PLXNA4: variants seen among roughly 807,000 people sequenced by gnomAD.
The protein encoded by PLXNA4 is plexin-A4.
Under a neutral mutation model 191.8 loss-of-function variants are expected in PLXNA4, and 44 were observed. The observed-to-expected ratio is 0.23, with a 90% confidence interval of 0.18 to 0.29. PLXNA4 has a LOEUF of 0.29. PLXNA4 is among the 10% of genes least tolerant of loss of function. The pLI is 1.00. For missense variants in PLXNA4, 1,800 were observed against 2,488.8 expected (o/e 0.72, Z 5.89); for synonymous variants, 1,082 against 1,009.5 (o/e 1.07, Z -1.36).
intron 2 of PLXNA4, among the ~76,000 whole-genome samples, chr7:132,590,781 C>G (rs1282846151): frequency 3.3e-5 from 5 of 152,118 alleles, no homozygotes; most frequent in Non-Finnish European, 7.3e-5. Context: ...AACCCAGGAA[C>G]AATACTTTGT....
intron 1 of PLXNA4, among the ~76,000 whole-genome samples, chr7:132,548,333 C>G (rs187314320): frequency 1.3e-5 from 2 of 152,124 alleles, no homozygotes; most frequent in Non-Finnish European, 2.9e-5. Flanking sequence ...GCAGATGAGG[C>G]TAGGGCAATT....
At chr7:132,377,968 T>C (rs188974967) in intron 3 of PLXNA4, among the ~76,000 whole-genome samples, 8 of 152,220 alleles carry the variant, frequency 5.3e-5, no homozygotes, top group Admixed American at 4.6e-4. Context: ...GATAGGGCTT[T>C]CAGGAGCAAT....
chr7:132,621,539 A>G (rs1803268021), intron 2 of PLXNA4, among the ~76,000 whole-genome samples: 3 of 152,188 alleles, frequency 2.0e-5, no homozygotes, highest in Admixed American at 2.0e-4. Context: ...GATTACAGGC[A>G]TGAGCCATCG....
Position 132,508,400 on chromosome 7 carries a change from G to T in PLXNA4, c.294C>A (p.Pro98=), listed in dbSNP as rs543337957. ...PDEDNPKCYP[P]RIVQTCNEPL... is the part of the protein sequence containing the mutation. ...GCTCATTGCAGGTCTGGACGATGCG[G>T]GGTGGGTAACACTTGGGGTTGTCCT... Residue 98 remains proline, a synonymous_variant, in exon 2 of 32, where the codon CCC becomes CCA. Transcript: ENST00000321063. This position sits in a 1 kb window ranked among gnomAD's most constrained non-coding sequence, Gnocchi z 4.4. 6.2e-7 allele frequency: 1 copy of T among 1,614,202 alleles called. No homozygotes were observed. Among genetic ancestry groups the T allele is most frequent in the Non-Finnish European group, 8.5e-7 (1 of 1,180,046 alleles).
intron 4 of PLXNA4, among the ~76,000 whole-genome samples, chr7:132,248,119 G>T (rs181363184): frequency 6.6e-6 from 1 of 152,210 alleles, no homozygotes; most frequent in Non-Finnish European, 1.5e-5. Flanking sequence ...GAATGCTTCC[G>T]AAGTGCTTAT....
In PLXNA4 at chr7:132,169,005, C is replaced by G. The variant is rs528418610; in HGVS notation, c.4018-433G>C. Among the ~76,000 whole-genome samples the G allele has an allele frequency of 3.9e-5, 6 of 152,340 alleles. No individual in the cohort carries two copies. The South Asian group carries it at 6.2e-4, about 16-fold the overall frequency. On this transcript the variant is annotated intron_variant, in intron 21 of 31. Transcript: ENST00000321063. ...GAGCCTGGGACTAACCTAATGCCCA[C>G]CCCTCTCCAGCCCTAGGGGTGCTGT...
intron 3 of PLXNA4, among the ~76,000 whole-genome samples, chr7:132,427,798 A>G (rs190442770): frequency 2.6e-5 from 4 of 152,260 alleles, no homozygotes; most frequent in African/African-American, 9.6e-5. Context: ...TGCTTCATAC[A>G]TGCTTGCAGA....
intron 1 of PLXNA4, among the ~76,000 whole-genome samples, chr7:132,538,681 T>A (rs563940406): frequency 1.3e-5 from 2 of 152,310 alleles, no homozygotes; most frequent in South Asian, 4.1e-4. Context: ...GCAGTGGGTA[T>A]CATATTATGG....
chr7:132,613,840 A>G (rs1471615993), intron 2 of PLXNA4, among the ~76,000 whole-genome samples: 1 of 152,236 alleles, frequency 6.6e-6, no homozygotes, highest in Non-Finnish European at 1.5e-5. Flanking sequence ...TGTATTTTTA[A>G]ATCCAGGAAA....
At chr7:132,349,426 C>A (rs1466975267) in intron 3 of PLXNA4, among the ~76,000 whole-genome samples, 5 of 152,168 alleles carry the variant, frequency 3.3e-5, no homozygotes, top group Non-Finnish European at 7.4e-5. Context: ...TGCAGGGAGC[C>A]AACACAGGGA....
At chr7:132,166,763 G>A (rs1256655347) in intron 22 of PLXNA4, among the ~76,000 whole-genome samples, 2 of 152,060 alleles carry the variant, frequency 1.3e-5, no homozygotes, top group Admixed American at 6.6e-5. Flanking sequence ...GAAAGTTGTC[G>A]GTGGGAGCTC....
rs113178216 is a variant in PLXNA4, at chr7:132,173,605, G to A, written c.4017+1173C>T. 1.9e-3 allele frequency among the ~76,000 whole-genome samples: 295 copies of A among 152,274 alleles called. 3 individuals carry two copies. The highest frequency in any genetic ancestry group is 6.8e-3 in the African/African-American group (282 of 41,552). On this transcript the variant is annotated intron_variant, in intron 21 of 31. Coordinates refer to ENST00000321063, the MANE Select transcript of PLXNA4 (RefSeq NM_020911.2). ...AAGTATGGAGAAACGTGTGTGCCAC[G>A]AATGCCCCTCTGGACTTCTCACGTT...
intron 21 of PLXNA4, among the ~76,000 whole-genome samples, chr7:132,174,238 G>A (rs1796384059): frequency 6.6e-6 from 1 of 152,160 alleles, no homozygotes; most frequent in Admixed American, 6.5e-5. Context: ...CAGATACCAT[G>A]CTAGACAGTA....
At chr7:132,391,377 T>C (rs1356880675) in intron 3 of PLXNA4, among the ~76,000 whole-genome samples, 1 of 152,234 alleles carries the variant, frequency 6.6e-6, no homozygotes, top group Admixed American at 6.5e-5. Flanking sequence ...TGCATTTGTC[T>C]TCTGTTACTG....
At chr7:132,576,630 C>A (rs1308145988), upstream of PLXNA4, 90 of 984,262 alleles carry the variant, frequency 9.1e-5, no homozygotes, top group Non-Finnish European at 1.0e-4. This position sits in a 1 kb window ranked among gnomAD's most constrained non-coding sequence, Gnocchi z 5.8. Context: ...CGAATCAGAG[C>A]CTGCGGGGCT....
At chr7:132,622,170 T>G (rs909262492) in intron 2 of PLXNA4, among the ~76,000 whole-genome samples, 1 of 152,086 alleles carries the variant, frequency 6.6e-6, no homozygotes, top group East Asian at 1.9e-4. Flanking sequence ...TTCCATGCTG[T>G]CCTCTCTTCC....
At chr7:132,385,328 C>T in intron 3 of PLXNA4, 1 of 1,590,408 alleles carries the variant, frequency 6.3e-7, no homozygotes, top group Non-Finnish European at 8.5e-7. Context: ...AGACTTAGAC[C>T]ATGGTGCACA....
intron 2 of PLXNA4, among the ~76,000 whole-genome samples, chr7:132,597,018 G>T (rs553122017): frequency 1.2e-4 from 18 of 152,222 alleles, no homozygotes; most frequent in African/African-American, 4.3e-4. Flanking sequence ...TTTGATTTGG[G>T]CTTCCATGCA....
At chr7:132,411,828 G>T (rs1056077980) in intron 3 of PLXNA4, among the ~76,000 whole-genome samples, 1 of 152,076 alleles carries the variant, frequency 6.6e-6, no homozygotes, top group Non-Finnish European at 1.5e-5. Flanking sequence ...CATTCACATC[G>T]ATATTTATGC....
Sources: allele counts gnomAD v4.1 joint callset (sites outside exome capture counted in the v4.1 genomes callset), GRCh38; gene constraint gnomAD v4.1.1; non-coding constraint Gnocchi (gnomAD v3.1); transcripts MANE v1.5; gene names NCBI Gene and HGNC (gene_info 2026-07-23, HGNC 2026-07-21).